The following COL5A1 variants were observed in gnomAD, a reference collection of about 807,000 sequenced individuals.
The protein encoded by COL5A1 is collagen alpha-1(V) chain.
A neutral mutation model predicts 263.7 loss-of-function variants in COL5A1; 16 were observed. The observed-to-expected ratio is 0.06, with a 90% CI of 0.04 to 0.09. The LOEUF is 0.09. Ranked by LOEUF, COL5A1 falls within the 10% of genes least tolerant of loss-of-function variation. The pLI, the probability that COL5A1 is intolerant of heterozygous loss-of-function variation, is 1.00. For synonymous variants in COL5A1, 1,012 were observed against 1,004.5 expected, an observed-to-expected ratio of 1.01 and a Z score of -0.14; for missense variants, 2,036 against 2,540.5, an observed-to-expected ratio of 0.80 and a Z score of 4.27.
intron 1 of COL5A1, among the ~76,000 whole-genome samples, chr9:134,662,083 A>G (rs890038232): frequency 6.6e-6 from 1 of 150,612 alleles, no homozygotes; most frequent in African/African-American, 2.4e-5. Context: ...AAATGAAATT[A>G]CTGGGCTCTA....
At chr9:134,710,821 G>GC (rs1834012315) in intron 4 of COL5A1, among the ~76,000 whole-genome samples, 2 of 30,082 alleles carry the variant, frequency 6.6e-5, no homozygotes, top group Admixed American at 3.8e-4. Context: ...TGGGGGAGGG[G>GC]ACCCCATCTG....
chr9:134,805,527 C>T (rs920102039), intron 41 of COL5A1, among the ~76,000 whole-genome samples: 3 of 152,042 alleles, frequency 2.0e-5, no homozygotes, highest in East Asian at 1.9e-4. Flanking sequence ...ACACACCTAT[C>T]GTGGGTCTGG....
rs1299524942 is a variant in COL5A1, at chr9:134,700,574, TC to T, written c.491+454del. ...ACCTCAACACCAGGGGTTGTCAGTCTCCTCTTTCGTGGTCAGCACGTGTGAG... is the reference window on the plus strand; with the variant it reads ...ACCTCAACACCAGGGGTTGTCAGTCTCTCTTTCGTGGTCAGCACGTGTGAG... On this transcript the variant is annotated intron_variant, in intron 3 of 65. Coordinates refer to ENST00000371817, the MANE Select transcript of COL5A1 (RefSeq NM_000093.5). The surrounding 1 kb of genome is among the most constrained non-coding windows in gnomAD (Gnocchi z 4.0). Among the ~76,000 whole-genome samples the T allele has an allele frequency of 9.2e-5, 14 of 152,280 alleles. No individual in the cohort carries two copies. The East Asian group carries it at 2.1e-3, about 23-fold the overall frequency.
chr9:134,664,373 T>C (rs539419245), intron 1 of COL5A1, among the ~76,000 whole-genome samples: 15 of 152,186 alleles, frequency 9.9e-5, no homozygotes, highest in African/African-American at 3.6e-4. Flanking sequence ...CCCATAAAAG[T>C]CAAGATTTTC....
chr9:134,654,801 G>C (rs532253448), intron 1 of COL5A1, among the ~76,000 whole-genome samples: 21 of 133,694 alleles, frequency 1.6e-4, no homozygotes, highest in Non-Finnish European at 2.9e-4. Flanking sequence ...TAGACCTCGT[G>C]TGTGTTTAGG....
chr9:134,689,986 G>T (rs1014864015), intron 1 of COL5A1, among the ~76,000 whole-genome samples: 1 of 152,192 alleles, frequency 6.6e-6, no homozygotes, highest in Non-Finnish European at 1.5e-5. Flanking sequence ...GCGCCTTGTG[G>T]TGGATGCAGG....
chr9:134,814,667 C>A, intron 49 of COL5A1, 130 bp from the exon 50 acceptor site: 1 of 744,872 alleles, frequency 1.3e-6, no homozygotes, highest in South Asian at 1.5e-5. Context: ...TGGCAGCCAG[C>A]CCCCTGCAGG....
At chr9:134,697,090 G>T (rs1833505884) in intron 2 of COL5A1, among the ~76,000 whole-genome samples, 1 of 151,636 alleles carries the variant, frequency 6.6e-6, no homozygotes. Context: ...AAAATGAAAA[G>T]CTCTGAGGGA....
At chr9:134,797,485 TC>T (rs1459332974) in intron 36 of COL5A1, among the ~76,000 whole-genome samples, 6 of 109,194 alleles carry the variant, frequency 5.5e-5, no homozygotes, top group African/African-American at 2.1e-4. Context: ...CTAATCTCTT[TC>T]TTTTTTTGTT....
At position 134,817,016 on chromosome 9, in the gene COL5A1, C is replaced by G; in HGVS notation, c.4123-10C>G. Reference sequence around the variant, plus strand: ...AATTCCTCACACTCTGTTCTTTCTCCCAATACCAGGGATCCCCCGGCCCTA... The same window carrying G: ...AATTCCTCACACTCTGTTCTTTCTCGCAATACCAGGGATCCCCCGGCCCTA... On this transcript the variant is annotated splice_polypyrimidine_tract_variant and intron_variant, in intron 52 of 65. Transcript: ENST00000371817. 6.2e-7 allele frequency: 1 copy of G among 1,613,742 alleles called. No homozygotes were observed. The highest frequency in any genetic ancestry group is 8.5e-7 in the Non-Finnish European group (1 of 1,179,636).
At position 134,772,837 on chromosome 9, in the gene COL5A1, G is replaced by A. The variant is rs1287962990; in HGVS notation, c.2331+3G>A. On this transcript the variant is annotated splice_donor_region_variant and intron_variant, in intron 26 of 65. Transcript: ENST00000371817. ...CTCCAGGAGAGAAAGGAGGTCAGGT[G>A]GGTGCTCGCCACGCCCTCCTACCCT... The A allele has an allele frequency of 6.2e-7, 1 of 1,613,774 alleles. No individual in the cohort carries two copies. The highest frequency in any genetic ancestry group is 8.5e-7 in the Non-Finnish European group (1 of 1,179,984).
At chr9:134,824,479 C>A in intron 61 of COL5A1, 121 bp from the exon 62 acceptor site, 1 of 1,250,878 alleles carries the variant, frequency 8.0e-7, no homozygotes, top group Non-Finnish European at 1.1e-6. Context: ...GTCCATGTAG[C>A]CCAGGTTGCC....
At chr9:134,822,271 G>A in intron 59 of COL5A1, 121 bp downstream of exon 59, 4 of 853,342 alleles carry the variant, frequency 4.7e-6, no homozygotes, top group Non-Finnish European at 7.6e-6. Flanking sequence ...TGGAATTGGG[G>A]CCTCCAGGGT....
At chr9:134,731,471 C>T (rs747653398) in intron 7 of COL5A1, 25 bp from the exon 8 acceptor site, 16 of 1,613,318 alleles carry the variant, frequency 9.9e-6, no homozygotes, top group Middle Eastern at 1.6e-4. Flanking sequence ...GCGAGGCAAC[C>T]CTGCGCCTTC....
chr9:134,729,956 C>T (rs1173542998), intron 6 of COL5A1, among the ~76,000 whole-genome samples: 2 of 152,166 alleles, frequency 1.3e-5, no homozygotes, highest in Non-Finnish European at 2.9e-5. Context: ...AGATATGATT[C>T]ACCCTTTTCT....
At chr9:134,655,308 C>T (rs1831921849) in intron 1 of COL5A1, among the ~76,000 whole-genome samples, 1 of 151,828 alleles carries the variant, frequency 6.6e-6, no homozygotes, top group African/African-American at 2.4e-5. Flanking sequence ...AGGGTGAGTC[C>T]CCACCCGAGG....
At chr9:134,711,637 G>C (rs796424810) in intron 4 of COL5A1, among the ~76,000 whole-genome samples, 60 of 152,082 alleles carry the variant, frequency 3.9e-4, no homozygotes, top group African/African-American at 1.4e-3. Context: ...CACACAGCTG[G>C]GAACAGTCAG....
intron 37 of COL5A1, among the ~76,000 whole-genome samples, chr9:134,801,741 C>T (rs1015625595): frequency 2.0e-5 from 3 of 150,954 alleles, no homozygotes; most frequent in South Asian, 2.1e-4. Context: ...GACCCAAGAT[C>T]GAGCCACTGC....
intron 1 of COL5A1, among the ~76,000 whole-genome samples, chr9:134,671,794 T>A (rs1832546275): frequency 6.6e-6 from 1 of 152,248 alleles, no homozygotes; most frequent in South Asian, 2.1e-4. Context: ...CGGGGCCAAT[T>A]TCCTTGTATT....
Sources: allele counts gnomAD v4.1 joint callset (sites outside exome capture counted in the v4.1 genomes callset), GRCh38; gene constraint gnomAD v4.1.1; non-coding constraint Gnocchi (gnomAD v3.1); transcripts MANE v1.5; gene names NCBI Gene and HGNC (gene_info 2026-07-23, HGNC 2026-07-21).